Variants in NPAS4 observed in about 807,000 individuals in gnomAD.
The protein encoded by NPAS4 is neuronal PAS domain protein 4, also known as neuronal PAS domain-containing protein 4.
NPAS4 carries 10 observed loss-of-function variants against 64.0 expected under a neutral mutation model. The ratio of observed to expected loss-of-function variants is 0.16; its 90% CI spans 0.10 to 0.26. NPAS4 has a LOEUF of 0.26. NPAS4 is among the 10% of genes least tolerant of loss of function. The probability of loss-of-function intolerance (pLI) is 1.00; values close to 1 mark genes in which losing one functional copy is unlikely to be tolerated. For synonymous variants in NPAS4, 441 were observed against 411.7 expected (o/e 1.07, Z -0.86); for missense variants, 886 against 992.6 (o/e 0.89, Z 1.44).
rs1856814208 is a variant in NPAS4 at position 66,424,827 on chromosome 11, T to C, written c.1937T>C (p.Met646Thr). 2 of 1,613,746 alleles carry C rather than the reference T, an allele frequency of 1.2e-6. No individual in the cohort carries two copies. The highest frequency in any genetic ancestry group is 1.7e-4 in the Middle Eastern group (1 of 6,060). ...CAGATTAGCCAATTGGCTCAGGGCA[T>C]GGACAGACCCTTCTCAGCTGAGGCT... ...IQQISQLAQG[M>T]DRPFSAEAGT... The change falls in exon 7 of 8, where the codon ATG (methionine) becomes ACG (threonine). Residue 646 changes from methionine to threonine, a missense_variant. Physicochemically the swap from Met to Thr is moderately conservative, Grantham distance 81. Transcript: ENST00000311034.
At chr11:66,415,031 T>C in the NPAS4 span, among the ~76,000 whole-genome samples, 1 of 152,144 alleles carries the variant, frequency 6.6e-6, no homozygotes, top group African/African-American at 2.4e-5. Flanking sequence ...TACCTTCCTT[T>C]TCCTCCCATA....
rs1480238880 is a variant in NPAS4 at position 66,422,745 on chromosome 11, C to T, written c.502C>T (p.Leu168Phe). ...RRQSAGNKLV[L>F]IRGRFHAHPP... ...CCAGAGTGCAGGCAACAAACTCGTGCTTATTCGAGGCCGATTCCATGCTCA... is the reference window on the plus strand; with the variant it reads ...CCAGAGTGCAGGCAACAAACTCGTGTTTATTCGAGGCCGATTCCATGCTCA... The change falls in exon 4 of 8, where the codon CTT becomes TTT. Residue 168 changes from leucine to phenylalanine, a missense_variant. Leu to Phe is a conservative substitution (Grantham distance 22). Transcript: ENST00000311034. 2.5e-6 allele frequency: 4 copies of T among 1,614,164 alleles called. No individual in the cohort carries two copies. The highest frequency in any genetic ancestry group is 1.1e-5 in the South Asian group (1 of 91,090).
chr11:66,421,762 T>C (rs906636085), intron 1 of NPAS4, among the ~76,000 whole-genome samples: 3 of 152,190 alleles, frequency 2.0e-5, no homozygotes, highest in African/African-American at 7.2e-5. Flanking sequence ...GCGCTGCCCA[T>C]GGTGCTGACG....
upstream of NPAS4, chr11:66,420,900 G>A (rs1318528089): frequency 5.1e-6 from 2 of 395,650 alleles, no homozygotes; most frequent in African/African-American, 2.1e-5. Context: ...GCGGGAGGAG[G>A]AGCCCCCCTC....
upstream of NPAS4, chr11:66,417,051 G>A (rs530520260): frequency 1.2e-4 from 18 of 152,234 alleles, no homozygotes; most frequent in East Asian, 2.9e-3. Context: ...ACAGGAGCAA[G>A]GGATCTCACG....
At chr11:66,419,820 C>A (rs537397778), upstream of NPAS4, among the ~76,000 whole-genome samples, 8 of 152,252 alleles carry the variant, frequency 5.3e-5, no homozygotes, top group Middle Eastern at 6.8e-3. Flanking sequence ...GAGCCAGGAG[C>A]CTTAGAGGCG....
In NPAS4 at chr11:66,426,145, G is replaced by T; in HGVS notation, c.*156G>T. ...GCAGGATTTTGGGGGGGGGGAGGTGGGAGGGCAAGGGAGGGGAGCTTCTTT... is the reference window on the plus strand; with the variant it reads ...GCAGGATTTTGGGGGGGGGGAGGTGTGAGGGCAAGGGAGGGGAGCTTCTTT... On this transcript the variant is annotated 3_prime_UTR_variant, in exon 8 of 8. Coordinates refer to ENST00000311034, the MANE Select transcript of NPAS4 (RefSeq NM_178864.4). The T allele has an allele frequency of 2.2e-6, 1 of 447,872 alleles. No individual in the cohort carries two copies. The highest frequency in any genetic ancestry group is 4.2e-6 in the Non-Finnish European group (1 of 235,850). 27.7% of individuals were successfully genotyped at this position (447,872 alleles called of 1,614,324 possible).
Position 66,423,695 on chromosome 11 carries a change from C to T in NPAS4, c.926C>T (p.Ala309Val). ...YSEGPEGPIT[A>V]NNYPISDMEA... ...GAAGGTCCAGAGGGACCCATTACTG[C>T]CAATAACTACCCAATCAGGTAAGCC... is the stretch of plus-strand genomic sequence containing the variant. The change falls in exon 6 of 8, where the codon GCC becomes GTC. Residue 309 changes from alanine (A) to valine (V), a missense_variant. Ala to Val is a moderately conservative substitution (Grantham distance 64). This residue lies in a region of NPAS4 where 820 missense variants were observed against 855.5 expected (regional missense o/e 0.96). Coordinates refer to ENST00000311034, the MANE Select transcript of NPAS4 (RefSeq NM_178864.4). 6.2e-7 allele frequency: 1 copy of T among 1,614,128 alleles called. No homozygotes were observed. Among genetic ancestry groups the T allele is most frequent in the Non-Finnish European group, 8.5e-7 (1 of 1,180,014 alleles).
chr11:66,419,693 T>G (rs1370972381), upstream of NPAS4, among the ~76,000 whole-genome samples: 12 of 128,120 alleles, frequency 9.4e-5, no homozygotes, highest in South Asian at 2.7e-4. Flanking sequence ...AAAAAGCGGG[T>G]GTGTGGGGGG....
chr11:66,413,839 G>T, the NPAS4 span, among the ~76,000 whole-genome samples: 1 of 152,164 alleles, frequency 6.6e-6, no homozygotes, highest in South Asian at 2.1e-4. Context: ...CTTGACAGCA[G>T]TATCCCACTG....
Position 66,426,060 on chromosome 11 carries a change from C to G in NPAS4, c.*71C>G. 3 of 1,188,966 alleles carry G rather than the reference C, an allele frequency of 2.5e-6. No individual in the cohort carries two copies. Among genetic ancestry groups the G allele is most frequent in the South Asian group, 2.4e-5 (2 of 82,222 alleles). 73.7% of individuals were successfully genotyped at this position (1,188,966 alleles called of 1,614,324 possible). The stretch of plus-strand genomic sequence containing the variant: ...AGACGTGGAGCCGCTCTCCACCCCC[C>G]CGGGACTGTTGGGGGGATTCTGAGG... On this transcript the variant is annotated 3_prime_UTR_variant, in exon 8 of 8. Coordinates refer to ENST00000311034, the MANE Select transcript of NPAS4 (RefSeq NM_178864.4).
Position 66,424,222 on chromosome 11 carries a change from C to T in NPAS4, c.1332C>T (p.Phe444=). 1 of 1,614,046 alleles carries T rather than the reference C, an allele frequency of 6.2e-7. No homozygotes were observed. The highest frequency in any genetic ancestry group is 8.5e-7 in the Non-Finnish European group (1 of 1,179,994). ...TCCTCTTCAGCCTCCATGAGCCCTT[C>T]CAGACCCATTTGCCCACCCCATCCA... ...CAFLFSLHEP[F]QTHLPTPSST... Residue 444 remains phenylalanine (F), a synonymous_variant, in exon 7 of 8, where the codon TTC becomes TTT. Transcript: ENST00000311034.
chr11:66,418,132 C>T (rs1275398380), upstream of NPAS4, among the ~76,000 whole-genome samples: 5 of 152,180 alleles, frequency 3.3e-5, no homozygotes, highest in Non-Finnish European at 5.9e-5. Flanking sequence ...TCTCCCATTC[C>T]TTCTACACGC....
chr11:66,422,854 G>T lies in NPAS4; in HGVS notation c.611G>T (p.Gly204Val), dbSNP rs1856769326. The change falls in exon 4 of 8, where the codon GGC (glycine) becomes GTC (valine). Residue 204 changes from glycine to valine, a missense_variant. This residue lies in a region of NPAS4 where 820 missense variants were observed against 855.5 expected (regional missense o/e 0.96). Coordinates refer to ENST00000311034, the MANE Select transcript of NPAS4 (RefSeq NM_178864.4). ...GAGCCGAGACCCCGCCCAGGTCCTGGCCCTGGCCCTGGCCCTGCCTCGCTC... is the reference window on the plus strand; with the variant it reads ...GAGCCGAGACCCCGCCCAGGTCCTGTCCCTGGCCCTGGCCCTGCCTCGCTC... The part of the protein sequence containing the change: ...PLEPRPRPGP[G>V]PGPGPASLFL... 4 of 1,612,630 alleles carry T rather than the reference G, an allele frequency of 2.5e-6. No homozygotes were observed. Among genetic ancestry groups the T allele is most frequent in the South Asian group, 2.2e-5 (2 of 91,082 alleles).
chr11:66,415,950 T>A, the NPAS4 span, among the ~76,000 whole-genome samples: 4 of 152,224 alleles, frequency 2.6e-5, no homozygotes, highest in East Asian at 3.9e-4. Context: ...AAAATTTTTT[T>A]AAATTATCTG....
the NPAS4 span, among the ~76,000 whole-genome samples, chr11:66,413,093 C>T: frequency 1.3e-4 from 20 of 152,242 alleles, no homozygotes; most frequent in African/African-American, 4.8e-4. Flanking sequence ...ACAATAAATT[C>T]CTCACCAAAA....
the NPAS4 span, among the ~76,000 whole-genome samples, chr11:66,414,979 C>T: frequency 0.24 from 35,812 of 152,186 alleles, 5,046 homozygotes; most frequent in Non-Finnish European, 0.33. Context: ...TTCTTCCCCC[C>T]TGGGTCAGAC....
rs1375337103 is a variant in NPAS4, at chr11:66,421,320, C to T, written c.141C>T (p.Cys47=). The T allele has an allele frequency of 9.3e-6, 15 of 1,613,832 alleles. No individual in the cohort carries two copies. Among genetic ancestry groups the T allele is most frequent in the Non-Finnish European group, 1.1e-5 (13 of 1,179,900 alleles). The stretch of plus-strand genomic sequence containing the variant: ...ACCTGCACATCATGAGCCTCGCCTG[C>T]ATCTACACTCGCAAGGGCGTCTTCT... The part of the protein sequence containing the change: ...LSYLHIMSLA[C]IYTRKGVFFA... Residue 47 remains cysteine (C), a synonymous_variant, in exon 1 of 8, where the codon TGC becomes TGT. Transcript: ENST00000311034.
intron 6 of NPAS4, 48 bp downstream of exon 6, chr11:66,423,761 G>C: frequency 6.2e-7 from 1 of 1,611,840 alleles, no homozygotes; most frequent in Non-Finnish European, 8.5e-7. Context: ...TCGTCATGGA[G>C]GAGACACAAA....
Sources: gnomAD v4.1 joint callset for allele counts (sites outside exome capture counted in the v4.1 genomes callset) on GRCh38, gnomAD v4.1.1 for gene constraint, gnomAD v4.1.1 regional missense constraint, MANE v1.5 for transcripts, NCBI Gene and HGNC (gene_info 2026-07-23, HGNC 2026-07-21) for gene names.